The following ITGBL1 variants were observed in gnomAD, a reference collection of about 807,000 sequenced individuals.
ITGBL1 encodes integrin subunit beta like 1.
In ITGBL1, 51 loss-of-function variants were observed where a neutral mutation model predicts 68.5. That is an observed-to-expected ratio of 0.74 (90% CI 0.59 to 0.94). The LOEUF is 0.94. Ranked by LOEUF, ITGBL1 falls within the 40% of genes least tolerant of loss-of-function variation. ITGBL1 has a pLI of 0.00. For missense variants in ITGBL1, 649 were observed against 647.4 expected (o/e 1.00, Z -0.03); for synonymous variants, 209 against 227.3 (o/e 0.92, Z 0.72).
chr13:101,470,075 C>T (rs181270974), intron 2 of ITGBL1, among the ~76,000 whole-genome samples: 14 of 152,234 alleles, frequency 9.2e-5, no homozygotes, highest in African/African-American at 3.1e-4. Context: ...GCCTCATTAG[C>T]TGTGAGATTT....
intron 9 of ITGBL1, among the ~76,000 whole-genome samples, chr13:101,710,230 A>G (rs1487924394): frequency 1.3e-5 from 2 of 152,212 alleles, no homozygotes; most frequent in African/African-American, 4.8e-5. Context: ...AAGCTGCCTC[A>G]AGGCTGCACA....
At chr13:101,693,836 CT>C (rs1049054783) in intron 8 of ITGBL1, among the ~76,000 whole-genome samples, 1 of 152,068 alleles carries the variant, frequency 6.6e-6, no homozygotes, top group African/African-American at 2.4e-5. Context: ...TGAGGTTAGA[CT>C]TTTTTGAATT....
chr13:101,508,802 T>C (rs2139104351), intron 2 of ITGBL1, among the ~76,000 whole-genome samples: 1 of 152,260 alleles, frequency 6.6e-6, no homozygotes, highest in Non-Finnish European at 1.5e-5. Flanking sequence ...TATTTTGTTC[T>C]TTGATGTTTT....
intron 10 of ITGBL1, chr13:101,714,766 TTG>T: frequency 1.9e-6 from 1 of 536,062 alleles, no homozygotes; most frequent in South Asian, 2.7e-5. Context: ...AAGCTAAATT[TTG>T]TGATTATTTG....
chr13:101,629,633 T>G, intron 7 of ITGBL1, among the ~76,000 whole-genome samples: 1 of 152,136 alleles, frequency 6.6e-6, no homozygotes, highest in Non-Finnish European at 1.5e-5. Flanking sequence ...AACTTTGCTT[T>G]TTATAACTAG....
chr13:101,557,483 T>C (rs1200034754), intron 2 of ITGBL1, among the ~76,000 whole-genome samples: 1 of 152,226 alleles, frequency 6.6e-6, no homozygotes, highest in African/African-American at 2.4e-5. Context: ...ATGCAATAAT[T>C]ATAATATCAG....
chr13:101,678,563 G>A (rs1474835817), intron 7 of ITGBL1, among the ~76,000 whole-genome samples: 1 of 149,900 alleles, frequency 6.7e-6, no homozygotes, highest in Non-Finnish European at 1.5e-5. Context: ...GCAGTGGCAC[G>A]ATCTCGGCTC....
chr13:101,621,003 A>G (rs9300686), intron 7 of ITGBL1, among the ~76,000 whole-genome samples: 13,096 of 152,180 alleles, frequency 0.086, 956 homozygotes, highest in African/African-American at 0.19. Context: ...AATAAGAAGC[A>G]AATCAATTGT....
At chr13:101,709,580 T>C (rs929922299) in intron 9 of ITGBL1, among the ~76,000 whole-genome samples, 3 of 152,178 alleles carry the variant, frequency 2.0e-5, no homozygotes, top group Non-Finnish European at 4.4e-5. Flanking sequence ...TAAGTTTAGA[T>C]ACTTTTTTAC....
At chr13:101,453,097 GCCTC>G (rs1460620842) in intron 1 of ITGBL1, among the ~76,000 whole-genome samples, 166 bp downstream of exon 1, 1 of 152,178 alleles carries the variant, frequency 6.6e-6, no homozygotes, top group African/African-American at 2.4e-5. Context: ...AGCGTGTATT[GCCTC>G]ATGTCTGTCC....
At chr13:101,495,073 A>G (rs1380131889) in intron 2 of ITGBL1, among the ~76,000 whole-genome samples, 1 of 152,202 alleles carries the variant, frequency 6.6e-6, no homozygotes, top group Admixed American at 6.5e-5. Context: ...AATCCTTCTA[A>G]GTTAGTTCTT....
intron 7 of ITGBL1, among the ~76,000 whole-genome samples, chr13:101,687,562 A>G (rs2033783258): frequency 6.6e-6 from 1 of 152,014 alleles, no homozygotes; most frequent in Non-Finnish European, 1.5e-5. Flanking sequence ...TTTTGATCGG[A>G]ACTTCTAAAA....
intron 7 of ITGBL1, among the ~76,000 whole-genome samples, chr13:101,691,427 C>A (rs1184923715): frequency 6.6e-6 from 1 of 152,160 alleles, no homozygotes; most frequent in Non-Finnish European, 1.5e-5. Context: ...TTCTTTCCCC[C>A]ATCATCCACC....
chr13:101,606,453 A>T (rs902039481), intron 7 of ITGBL1, among the ~76,000 whole-genome samples: 5 of 151,726 alleles, frequency 3.3e-5, no homozygotes, highest in African/African-American at 4.8e-5. Context: ...CTGGGAGTAA[A>T]GGTGGGAAAA....
chr13:101,572,772 T>TATGAC (rs1381003824), intron 3 of ITGBL1, among the ~76,000 whole-genome samples: 1 of 152,006 alleles, frequency 6.6e-6, no homozygotes, highest in Non-Finnish European at 1.5e-5. Context: ...TATGGGGGAC[T>TATGAC]TCAGTGAGGA....
intron 2 of ITGBL1, among the ~76,000 whole-genome samples, chr13:101,557,294 T>C (rs919015266): frequency 2.6e-5 from 4 of 152,230 alleles, no homozygotes; most frequent in African/African-American, 7.2e-5. Flanking sequence ...TGCTTTTACT[T>C]TGAGTCGCCA....
intron 2 of ITGBL1, among the ~76,000 whole-genome samples, chr13:101,481,609 A>G (rs1422056639): frequency 1.3e-5 from 2 of 152,050 alleles, no homozygotes; most frequent in Non-Finnish European, 2.9e-5. Flanking sequence ...ATTTCAAGTT[A>G]AAACCCTGAA....
chr13:101,546,036 T>G (rs181268078), intron 2 of ITGBL1, among the ~76,000 whole-genome samples: 251 of 152,284 alleles, frequency 1.6e-3, no homozygotes, highest in Admixed American at 4.8e-3. Context: ...TAGATGAATC[T>G]TACAATATTA....
At chr13:101,702,121 T>C (rs1028520649) in intron 8 of ITGBL1, among the ~76,000 whole-genome samples, 2 of 152,180 alleles carry the variant, frequency 1.3e-5, no homozygotes, top group Non-Finnish European at 2.9e-5. Context: ...GTCCAAATGA[T>C]CCAGGTTATC....
Sources: gnomAD v4.1 joint callset for allele counts (sites outside exome capture counted in the v4.1 genomes callset) on GRCh38, gnomAD v4.1.1 for gene constraint, MANE v1.5 for transcripts, NCBI Gene and HGNC (gene_info 2026-07-23, HGNC 2026-07-21) for gene names.